Variants in DTX1 observed in about 807,000 individuals in gnomAD.
The protein encoded by DTX1 is E3 ubiquitin-protein ligase DTX1.
In DTX1, 26 loss-of-function variants were observed where a neutral mutation model predicts 57.8. That is an observed-to-expected ratio of 0.45 (90% CI 0.33 to 0.62). The LOEUF is 0.62. DTX1 is among the 20% of genes least tolerant of loss of function. The pLI is 0.02. For synonymous variants in DTX1, 398 were observed against 394.1 expected, an observed-to-expected ratio of 1.01 and a Z score of -0.12; for missense variants, 704 against 895.3, an observed-to-expected ratio of 0.79 and a Z score of 2.73.
chr12:113,074,144 G>A (rs978917390), intron 2 of DTX1, among the ~76,000 whole-genome samples: 17 of 152,136 alleles, frequency 1.1e-4, no homozygotes, highest in African/African-American at 2.2e-4. Context: ...CAGGAGAATC[G>A]TTTGAACCTG....
At chr12:113,070,793 GCCTTTACT>G (rs2044733218) in intron 2 of DTX1, among the ~76,000 whole-genome samples, 1 of 152,236 alleles carries the variant, frequency 6.6e-6, no homozygotes, top group Non-Finnish European at 1.5e-5. Context: ...ACCTGGGCCT[GCCTTTACT>G]CCACGAGTGT....
chr12:113,084,054 C>T (rs1199255517), intron 3 of DTX1, among the ~76,000 whole-genome samples: 2 of 152,250 alleles, frequency 1.3e-5, no homozygotes, highest in South Asian at 2.1e-4. Flanking sequence ...GGACGGGTAA[C>T]AGCGAAGGAG....
At chr12:113,057,082 C>G (rs1273694204) in intron 1 of DTX1, 138 bp downstream of exon 1, 1 of 152,172 alleles carries the variant, frequency 6.6e-6, no homozygotes, top group African/African-American at 2.4e-5. Context: ...CCTGGCTTCG[C>G]CCCCTCCGCG....
intron 3 of DTX1, among the ~76,000 whole-genome samples, chr12:113,082,542 C>T (rs1282574013): frequency 2.0e-5 from 3 of 152,200 alleles, no homozygotes; most frequent in Non-Finnish European, 4.4e-5. Context: ...CTGTCACTCT[C>T]GTCCCCAAAC....
At chr12:113,075,746 T>TGAATGAAAGTAACAAATAAGC (rs2044766923) in intron 2 of DTX1, among the ~76,000 whole-genome samples, 1 of 152,110 alleles carries the variant, frequency 6.6e-6, no homozygotes, top group Admixed American at 6.5e-5. Flanking sequence ...AACAAACAGA[T>TGAATGAAAGTAACAAATAAGC]GAATGAAAGT....
chr12:113,077,355 T>C lies in DTX1; in HGVS notation c.260-69T>C, dbSNP rs2044779530. ...CCTCCCGCCCACCCTTGCCTGGCTG[T>C]GGCCCGCCCTTCCAGCCGCGCAGAC... On this transcript the variant is annotated intron_variant, in intron 2 of 9. Transcript: ENST00000548759. The surrounding 1 kb of genome is among the most constrained non-coding windows in gnomAD (Gnocchi z 7.8). 3 of 1,505,010 alleles carry C rather than the reference T, an allele frequency of 2.0e-6. No homozygotes were observed. Among genetic ancestry groups the C allele is most frequent in the Non-Finnish European group, 2.7e-6 (3 of 1,130,658 alleles). 93.2% of individuals were successfully genotyped at this position (1,505,010 alleles called of 1,614,324 possible).
intron 2 of DTX1, among the ~76,000 whole-genome samples, chr12:113,072,987 A>G (rs888143349): frequency 2.6e-5 from 4 of 152,106 alleles, no homozygotes; most frequent in African/African-American, 9.7e-5. Flanking sequence ...GATTACAGGC[A>G]TGAGCCACTG....
rs2044639663 is a variant in DTX1 at position 113,057,931 on chromosome 12, G to A, written c.-262G>A. ...AAGGACTTTAGAGCTGTTTCCTCCGGCATAAGAGAGACACTTGCTTTCCAG... is the reference window on the plus strand; with the variant it reads ...AAGGACTTTAGAGCTGTTTCCTCCGACATAAGAGAGACACTTGCTTTCCAG... On this transcript the variant is annotated 5_prime_UTR_variant, in exon 2 of 10. Transcript: ENST00000548759. The A allele has an allele frequency of 1.8e-6, 1 of 558,490 alleles. No homozygotes were observed. The highest frequency in any genetic ancestry group is 3.1e-6 in the Non-Finnish European group (1 of 327,170). The allele number at this position is 558,490 out of a possible 1,614,324, so 34.6% of individuals were successfully genotyped here. A position where few individuals can be genotyped will look rare whatever the true frequency, so the allele number is the denominator to read the frequency against.
chr12:113,086,060 G>A (rs905927813), intron 3 of DTX1, among the ~76,000 whole-genome samples: 6 of 152,092 alleles, frequency 3.9e-5, no homozygotes, highest in Non-Finnish European at 8.8e-5. Flanking sequence ...TTGAGCCCAG[G>A]AATTTGAGAC....
At chr12:113,076,222 G>A (rs1190159984) in intron 2 of DTX1, among the ~76,000 whole-genome samples, 1 of 152,064 alleles carries the variant, frequency 6.6e-6, no homozygotes, top group Non-Finnish European at 1.5e-5. Flanking sequence ...ACTTTGGGAG[G>A]CTGAGGTGGG....
In DTX1 at chr12:113,094,138, A is replaced by G. The variant is rs1211140949; in HGVS notation, c.1227+39A>G. 4.2e-6 allele frequency: 6 copies of G among 1,430,620 alleles called. No individual in the cohort carries two copies. The South Asian group carries it at 7.4e-5, about 18-fold the overall frequency. 88.6% of individuals were successfully genotyped at this position (1,430,620 alleles called of 1,614,324 possible). A position where few individuals can be genotyped will look rare whatever the true frequency, so the allele number is the denominator to read the frequency against. On this transcript the variant is annotated intron_variant, in intron 6 of 9. Transcript: ENST00000548759. Reference sequence around the variant, plus strand: ...GGGGGGGCTGGGGGAGGGCCCTGGCATGGAGGGGGCAGGAACCCTCACCCC... The same window carrying G: ...GGGGGGGCTGGGGGAGGGCCCTGGCGTGGAGGGGGCAGGAACCCTCACCCC...
Position 113,094,118 on chromosome 12 carries a change from G to A in DTX1, c.1227+19G>A, listed in dbSNP as rs199883523. 1.0e-5 allele frequency: 15 copies of A among 1,475,062 alleles called. No homozygotes were observed. The highest frequency in any genetic ancestry group is 4.8e-5 in the South Asian group (4 of 82,872). The allele number at this position is 1,475,062 out of a possible 1,614,324, so 91.4% of individuals were successfully genotyped here. ...TGATGAGGTGAGGAGGGGATGGGGG[G>A]GCTGGGGGAGGGCCCTGGCATGGAG... On this transcript the variant is annotated intron_variant, in intron 6 of 9. Coordinates refer to ENST00000548759, the MANE Select transcript of DTX1 (RefSeq NM_004416.3).
chr12:113,077,047 G>A lies in DTX1; in HGVS notation c.260-377G>A, dbSNP rs1166956724. On this transcript the variant is annotated intron_variant, in intron 2 of 9. Coordinates refer to ENST00000548759, the MANE Select transcript of DTX1 (RefSeq NM_004416.3). This position sits in a 1 kb window ranked among gnomAD's most constrained non-coding sequence, Gnocchi z 7.8. ...AGGGTGGGGGAGCCCTCCACACCTT[G>A]CTGGTTTCCTACCCCAGGCTATCTT... Among the ~76,000 whole-genome samples the A allele has an allele frequency of 1.3e-5, 2 of 151,952 alleles. No homozygotes were observed. The highest frequency in any genetic ancestry group is 2.9e-5 in the Non-Finnish European group (2 of 67,970).
At position 113,077,323 on chromosome 12, in the gene DTX1, C is replaced by T; in HGVS notation, c.260-101C>T. On this transcript the variant is annotated intron_variant, in intron 2 of 9. Transcript: ENST00000548759. The surrounding 1 kb of genome is among the most constrained non-coding windows in gnomAD (Gnocchi z 7.8). The stretch of plus-strand genomic sequence containing the variant: ...GGACCCCCTGGAGGCCTGTGCTGAC[C>T]CCCCAACCTCCCGCCCACCCTTGCC... 1 of 1,349,620 alleles carries T rather than the reference C, an allele frequency of 7.4e-7. No individual in the cohort carries two copies. Among genetic ancestry groups the T allele is most frequent in the East Asian group, 2.5e-5 (1 of 40,120 alleles). 83.6% of individuals were successfully genotyped at this position (1,349,620 alleles called of 1,614,324 possible). A position where few individuals can be genotyped will look rare whatever the true frequency, so the allele number is the denominator to read the frequency against.
Position 113,057,897 on chromosome 12 carries a change from G to T in DTX1, c.-296G>T. ...GCCTCACTCCCTACCTGAGCCAGCCGAGGGGGCCAAGGACTTTAGAGCTGT... is the reference window on the plus strand; with the variant it reads ...GCCTCACTCCCTACCTGAGCCAGCCTAGGGGGCCAAGGACTTTAGAGCTGT... On this transcript the variant is annotated 5_prime_UTR_variant, in exon 2 of 10. Coordinates refer to ENST00000548759, the MANE Select transcript of DTX1 (RefSeq NM_004416.3). 2.4e-6 allele frequency: 1 copy of T among 410,412 alleles called. No homozygotes were observed. Among genetic ancestry groups the T allele is most frequent in the Non-Finnish European group, 4.3e-6 (1 of 231,538 alleles). 25.4% of individuals were successfully genotyped at this position (410,412 alleles called of 1,614,324 possible).
At position 113,094,902 on chromosome 12, in the gene DTX1, G is replaced by A; in HGVS notation, c.1341G>A (p.Met447Ile). ...LVGRLGRCGHMYHLLCLVAMY... is the reference protein window; with the variant it reads ...LVGRLGRCGHIYHLLCLVAMY... Reference sequence around the variant, plus strand: ...GCCGCCTGGGCCGCTGTGGCCACATGTACCACCTGCTGTGCCTCGTGGCCA... The same window carrying A: ...GCCGCCTGGGCCGCTGTGGCCACATATACCACCTGCTGTGCCTCGTGGCCA... Residue 447 changes from methionine to isoleucine, a missense_variant, in exon 7 of 10, where the codon ATG becomes ATA. Physicochemically the swap from Met to Ile is conservative, Grantham distance 10. Around this residue, in one of 3 missense-constraint regions of DTX1, gnomAD observed 168 missense variants for 255.6 expected, o/e 0.66. Coordinates refer to ENST00000548759, the MANE Select transcript of DTX1 (RefSeq NM_004416.3). 1 of 1,613,734 alleles carries A rather than the reference G, an allele frequency of 6.2e-7. No individual in the cohort carries two copies. The highest frequency in any genetic ancestry group is 1.1e-5 in the South Asian group (1 of 91,062).
At chr12:113,075,879 C>G (rs559630999) in intron 2 of DTX1, among the ~76,000 whole-genome samples, 7 of 152,072 alleles carry the variant, frequency 4.6e-5, no homozygotes, top group Non-Finnish European at 1.0e-4. Flanking sequence ...AAATATCGCT[C>G]GAGCACCTGC....
chr12:113,095,151 T>G lies in DTX1; in HGVS notation c.1496T>G (p.Phe499Cys). 2.5e-6 allele frequency: 4 copies of G among 1,613,400 alleles called. No homozygotes were observed. Among genetic ancestry groups the G allele is most frequent in the Non-Finnish European group, 2.5e-6 (3 of 1,179,436 alleles). The stretch of plus-strand genomic sequence containing the variant: ...CTCATCCCCCACTCGCTGCCCGGCT[T>G]CCCTGATACCCAGACCATCCGCATC... ...FHLIPHSLPG[F>C]PDTQTIRIVY... Residue 499 changes from phenylalanine (F) to cysteine (C), a missense_variant, in exon 8 of 10, where the codon TTC becomes TGC. By Grantham distance (205) the Phe-to-Cys change is radical. This residue lies in a region of DTX1 where 168 missense variants were observed against 255.6 expected (regional missense o/e 0.66). Coordinates refer to ENST00000548759, the MANE Select transcript of DTX1 (RefSeq NM_004416.3).
rs554760447 is a variant in DTX1 at position 113,075,963 on chromosome 12, G to C, written c.260-1461G>C. Among the ~76,000 whole-genome samples the C allele has an allele frequency of 4.6e-3, 706 of 152,050 alleles. 9 individuals are homozygous for C. Among genetic ancestry groups the C allele is most frequent in the Non-Finnish European group, 6.4e-3 (437 of 67,966 alleles). ...CCTTGTGGCTATTACATTCTAGCGA[G>C]GGGGGGACAGACAGAAACCAAGATA... On this transcript the variant is annotated intron_variant, in intron 2 of 9. Transcript: ENST00000548759.
Sources: gnomAD v4.1 joint callset for allele counts (sites outside exome capture counted in the v4.1 genomes callset) on GRCh38, gnomAD v4.1.1 for gene constraint, gnomAD v4.1.1 regional missense constraint, Gnocchi (gnomAD v3.1) non-coding constraint, MANE v1.5 for transcripts, NCBI Gene and HGNC (gene_info 2026-07-23, HGNC 2026-07-21) for gene names.